The following CDH19 variants were observed in gnomAD, a reference collection of about 807,000 sequenced individuals.
CDH19 encodes the protein cadherin-19.
CDH19 carries 67 observed loss-of-function variants against 64.2 expected under a neutral mutation model. The observed-to-expected ratio is 1.04, with a 90% CI of 0.86 to 1.28. The LOEUF (loss-of-function observed/expected upper bound fraction) is 1.28, where lower values mean the gene tolerates loss of function less well. Ranked by LOEUF, CDH19 falls within the 50% of genes most tolerant of loss-of-function variation. CDH19 has a pLI of 0.00. For synonymous variants in CDH19, 346 were observed against 319.3 expected, an observed-to-expected ratio of 1.08 and a Z score of -0.89; for missense variants, 1,030 against 929.0, an observed-to-expected ratio of 1.11 and a Z score of -1.41.
Position 66,572,282 on chromosome 18 carries a change from A to G in CDH19, c.-78T>C. On this transcript the variant is annotated 5_prime_UTR_variant, in exon 2 of 12. Coordinates refer to ENST00000262150, the MANE Select transcript of CDH19 (RefSeq NM_021153.4). ...ACTAACAAAAATCTTGCTTTCTTTTATAATCTTTTCTGATTCTGTGTACCT... is the reference window on the plus strand; with the variant it reads ...ACTAACAAAAATCTTGCTTTCTTTTGTAATCTTTTCTGATTCTGTGTACCT... The G allele has an allele frequency of 8.6e-7, 1 of 1,169,588 alleles. No individual in the cohort carries two copies. Among genetic ancestry groups the G allele is most frequent in the Non-Finnish European group, 1.2e-6 (1 of 822,954 alleles). 72.5% of individuals were successfully genotyped at this position (1,169,588 alleles called of 1,614,324 possible).
At chr18:66,509,847 G>A (rs1290563617) in intron 10 of CDH19, among the ~76,000 whole-genome samples, 3 of 151,768 alleles carry the variant, frequency 2.0e-5, no homozygotes, top group African/African-American at 7.2e-5. Flanking sequence ...TCACTTGGTA[G>A]ACAAGATCCT....
At chr18:66,602,846 T>C (rs904272687) in intron 1 of CDH19, among the ~76,000 whole-genome samples, 3 of 151,796 alleles carry the variant, frequency 2.0e-5, no homozygotes, top group Non-Finnish European at 4.4e-5. Flanking sequence ...ATTTGGTCAA[T>C]ATAAATGTTC....
chr18:66,592,498 T>C (rs974394470), intron 1 of CDH19, among the ~76,000 whole-genome samples: 1 of 151,796 alleles, frequency 6.6e-6, no homozygotes, highest in Non-Finnish European at 1.5e-5. Flanking sequence ...TCTCTAGCCA[T>C]AACTTTATAT....
intron 1 of CDH19, among the ~76,000 whole-genome samples, chr18:66,582,639 CAAAAAAAA>C (rs11410904): frequency 1.1e-4 from 8 of 72,896 alleles, no homozygotes; most frequent in Non-Finnish European, 2.0e-4. Flanking sequence ...TTACTGTCAC[CAAAAAAAA>C]AAAAAAAAAA....
intron 3 of CDH19, among the ~76,000 whole-genome samples, chr18:66,561,926 A>T (rs1987737771): frequency 6.6e-6 from 1 of 152,066 alleles, no homozygotes; most frequent in Admixed American, 6.6e-5. Flanking sequence ...AATATTAATT[A>T]TGTCTTTCTA....
At chr18:66,524,295 G>C (rs1047660118) in intron 9 of CDH19, among the ~76,000 whole-genome samples, 3 of 151,728 alleles carry the variant, frequency 2.0e-5, no homozygotes, top group African/African-American at 7.3e-5. Context: ...GAAGAAGCCT[G>C]GTCCTTTTTA....
At chr18:66,534,139 C>T (rs1986565720) in intron 8 of CDH19, among the ~76,000 whole-genome samples, 1 of 151,810 alleles carries the variant, frequency 6.6e-6, no homozygotes, top group East Asian at 1.9e-4. Flanking sequence ...TGAATAAAAG[C>T]TGCATTTAAA....
intron 6 of CDH19, 103 bp from the exon 7 acceptor site, chr18:66,544,327 AG>A (rs1987019248): frequency 9.2e-7 from 1 of 1,081,902 alleles, no homozygotes; most frequent in African/African-American, 2.0e-5. Flanking sequence ...GTGGCCTTTC[AG>A]TTAGATTTTT....
Position 66,504,871 on chromosome 18 carries a change from C to T in CDH19, c.2260G>A (p.Gly754Arg). 2 of 1,612,416 alleles carry T rather than the reference C, an allele frequency of 1.2e-6. No individual in the cohort carries two copies. The highest frequency in any genetic ancestry group is 4.5e-5 in the East Asian group (2 of 44,782). ...DESYDYLNEL[G>R]PRFKRLACMF... ...CATGCTAATCTTTTAAAGCGAGGTC[C>T]CAACTCATTAAGGTAATCATAGCTT... Residue 754 changes from glycine (G) to arginine (R), a missense_variant, in exon 12 of 12, where the codon GGA becomes AGA. Gly to Arg is a moderately radical substitution (Grantham distance 125). Coordinates refer to ENST00000262150, the MANE Select transcript of CDH19 (RefSeq NM_021153.4).
intron 3 of CDH19, among the ~76,000 whole-genome samples, chr18:66,566,060 A>G (rs1471582281): frequency 1.3e-5 from 2 of 151,956 alleles, no homozygotes; most frequent in East Asian, 3.9e-4. Flanking sequence ...CACTGATACC[A>G]TGATACCAAT....
At chr18:66,559,923 T>C (rs1346983545) in intron 3 of CDH19, among the ~76,000 whole-genome samples, 1 of 151,966 alleles carries the variant, frequency 6.6e-6, no homozygotes, top group Non-Finnish European at 1.5e-5. Flanking sequence ...AAAATCCTAG[T>C]GGACTGTATA....
At chr18:66,539,613 G>A (rs1986809760) in intron 7 of CDH19, among the ~76,000 whole-genome samples, 1 of 151,870 alleles carries the variant, frequency 6.6e-6, no homozygotes, top group South Asian at 2.1e-4. Flanking sequence ...GCATTCCTGG[G>A]TGCACTCCAG....
At chr18:66,538,113 C>A (rs1034437277) in intron 7 of CDH19, among the ~76,000 whole-genome samples, 1 of 151,950 alleles carries the variant, frequency 6.6e-6, no homozygotes, top group Non-Finnish European at 1.5e-5. Context: ...AAATAGTATC[C>A]ATGTAAAAAA....
At position 66,543,967 on chromosome 18, in the gene CDH19, A is replaced by G. The variant is rs763586961; in HGVS notation, c.1214+4T>C. ...TTAATGCAAAACTGACCTTACAGAC[A>G]TACCTGATAGGAGATTTCCTATTGT... On this transcript the variant is annotated splice_donor_region_variant and intron_variant, in intron 7 of 11. Coordinates refer to ENST00000262150, the MANE Select transcript of CDH19 (RefSeq NM_021153.4). The G allele has an allele frequency of 2.1e-5, 34 of 1,602,846 alleles. No individual in the cohort carries two copies. Among genetic ancestry groups the G allele is most frequent in the African/African-American group, 1.1e-4 (8 of 74,386 alleles).
chr18:66,509,846 A>G (rs1360862371), intron 10 of CDH19, among the ~76,000 whole-genome samples: 4 of 151,900 alleles, frequency 2.6e-5, no homozygotes, highest in Non-Finnish European at 5.9e-5. Flanking sequence ...TTCACTTGGT[A>G]GACAAGATCC....
chr18:66,560,832 T>C (rs969871254), intron 3 of CDH19, among the ~76,000 whole-genome samples: 1 of 152,070 alleles, frequency 6.6e-6, no homozygotes, highest in Non-Finnish European at 1.5e-5. Flanking sequence ...ATGAACATTT[T>C]ATTATGATAG....
rs1341149192 is a variant in CDH19, at chr18:66,544,524, T to TA, written c.960+194dup. ...TTCCAAAAAGTTTTATTATTAGAAT[T>TA]AAAAAAATGTTCTGCATATAATTCA... is the stretch of plus-strand genomic sequence containing the variant. On this transcript the variant is annotated intron_variant, in intron 6 of 11. Coordinates refer to ENST00000262150, the MANE Select transcript of CDH19 (RefSeq NM_021153.4). Among the ~76,000 whole-genome samples the TA allele has an allele frequency of 5.9e-5, 9 of 152,042 alleles. No homozygotes were observed. The South Asian group carries it at 1.7e-3, about 28-fold the overall frequency.
At chr18:66,564,391 G>C (rs532568760) in intron 3 of CDH19, among the ~76,000 whole-genome samples, 1 of 151,806 alleles carries the variant, frequency 6.6e-6, no homozygotes, top group East Asian at 1.9e-4. Context: ...AAAAGCATCT[G>C]GTTTTGAAAA....
Position 66,604,051 on chromosome 18 carries a change from T to C in CDH19, c.-210A>G, listed in dbSNP as rs1443544890. The C allele has an allele frequency of 1.3e-5, 2 of 151,696 alleles. No homozygotes were observed. Among genetic ancestry groups the C allele is most frequent in the African/African-American group, 4.9e-5 (2 of 41,032 alleles). 9.4% of individuals were successfully genotyped at this position (151,696 alleles called of 1,614,324 possible). On this transcript the variant is annotated 5_prime_UTR_variant, in exon 1 of 12. Coordinates refer to ENST00000262150, the MANE Select transcript of CDH19 (RefSeq NM_021153.4). ...GTAGGAAAAACTTTCTTCTTTTTGC[T>C]TCACAGTCTTCTCAGCAAACTCTCG...
Sources: gnomAD v4.1 joint callset for allele counts (sites outside exome capture counted in the v4.1 genomes callset) on GRCh38, gnomAD v4.1.1 for gene constraint, MANE v1.5 for transcripts, NCBI Gene and HGNC (gene_info 2026-07-23, HGNC 2026-07-21) for gene names.